Variants in LRRTM4 observed in about 807,000 individuals in gnomAD.
LRRTM4 encodes the protein leucine-rich repeat transmembrane neuronal protein 4.
In LRRTM4, 25 loss-of-function variants were observed where a neutral mutation model predicts 47.6. The ratio of observed to expected loss-of-function variants is 0.53; its 90% CI spans 0.38 to 0.73. The LOEUF is 0.73. Ranked by LOEUF, LRRTM4 falls within the 30% of genes least tolerant of loss-of-function variation. LRRTM4 has a pLI of 0.00. For synonymous variants in LRRTM4, 311 were observed against 269.5 expected (o/e 1.15, Z -1.51); for missense variants, 638 against 713.4 (o/e 0.89, Z 1.20).
intron 3 of LRRTM4, among the ~76,000 whole-genome samples, chr2:77,432,770 T>C (rs1010595338): frequency 6.6e-6 from 1 of 152,354 alleles, no homozygotes; most frequent in Non-Finnish European, 1.5e-5. Flanking sequence ...AACTCATGTA[T>C]ACCCCAAGAA....
At chr2:77,217,874 T>G (rs374061123) in intron 3 of LRRTM4, among the ~76,000 whole-genome samples, 1 of 152,364 alleles carries the variant, frequency 6.6e-6, no homozygotes, top group South Asian at 2.1e-4. Context: ...ATGTGTATGT[T>G]ATTATATTAA....
intron 3 of LRRTM4, among the ~76,000 whole-genome samples, chr2:77,213,459 A>AT (rs1674351585): frequency 1.3e-5 from 2 of 152,278 alleles, no homozygotes; most frequent in Non-Finnish European, 1.5e-5. Flanking sequence ...AATGTCATTG[A>AT]TTAAGTATAC....
chr2:77,168,162 T>C (rs940909739), intron 3 of LRRTM4, among the ~76,000 whole-genome samples: 3 of 152,148 alleles, frequency 2.0e-5, no homozygotes, highest in African/African-American at 7.2e-5. Context: ...ACTTGAGCAT[T>C]CATATGTTCT....
intron 3 of LRRTM4, among the ~76,000 whole-genome samples, chr2:77,193,120 A>T (rs1212855937): frequency 6.6e-6 from 1 of 152,188 alleles, no homozygotes. Context: ...ATGCTTGGAT[A>T]CGCAAGTACT....
intron 3 of LRRTM4, among the ~76,000 whole-genome samples, chr2:77,331,925 TA>T (rs1670985337): frequency 6.6e-6 from 1 of 152,186 alleles, no homozygotes; most frequent in Non-Finnish European, 1.5e-5. Flanking sequence ...ATTATTTTTG[TA>T]AAAATTTTCT....
chr2:76,862,965 C>T (rs1672362729), intron 3 of LRRTM4, among the ~76,000 whole-genome samples: 1 of 152,168 alleles, frequency 6.6e-6, no homozygotes, highest in Admixed American at 6.6e-5. Flanking sequence ...GATTATGTTT[C>T]TACCCTCCGA....
intron 3 of LRRTM4, among the ~76,000 whole-genome samples, chr2:76,988,785 G>A (rs892980647): frequency 7.2e-5 from 10 of 139,230 alleles, no homozygotes; most frequent in African/African-American, 1.8e-4. Context: ...TTCCCCACGC[G>A]TTACCTGGAC....
At chr2:77,159,529 A>G (rs1290448759) in intron 3 of LRRTM4, among the ~76,000 whole-genome samples, 1 of 151,746 alleles carries the variant, frequency 6.6e-6, no homozygotes, top group Non-Finnish European at 1.5e-5. Flanking sequence ...AATGGAAAAA[A>G]AAAAAAAGAA....
intron 3 of LRRTM4, among the ~76,000 whole-genome samples, chr2:76,780,522 C>A (rs1001796028): frequency 1.3e-5 from 2 of 152,074 alleles, no homozygotes; most frequent in Non-Finnish European, 1.5e-5. Flanking sequence ...TCTTCCATTG[C>A]TGATACCCTT....
chr2:77,189,253 G>A (rs1176789), intron 3 of LRRTM4, among the ~76,000 whole-genome samples: 1,964 of 152,234 alleles, frequency 0.013, 17 homozygotes, highest in Admixed American at 0.022. Flanking sequence ...AAATGCTCAA[G>A]TCAAGACATT....
intron 3 of LRRTM4, among the ~76,000 whole-genome samples, chr2:77,470,235 A>G (rs1335884456): frequency 6.6e-6 from 1 of 152,176 alleles, no homozygotes; most frequent in African/African-American, 2.4e-5. Flanking sequence ...TTTCATTCCA[A>G]ATAGTCCAGC....
chr2:76,905,029 C>T (rs987139725), intron 3 of LRRTM4, among the ~76,000 whole-genome samples: 84 of 152,102 alleles, frequency 5.5e-4, no homozygotes, highest in Admixed American at 3.8e-3. Flanking sequence ...GATCTGAGAA[C>T]AGGCAGACTG....
chr2:76,807,411 T>TATAC (rs1484732120), intron 3 of LRRTM4, among the ~76,000 whole-genome samples: 11,919 of 85,778 alleles, frequency 0.14, 1,037 homozygotes, highest in Admixed American at 0.25. Context: ...TATATACGTA[T>TATAC]ATATATATAT....
intron 3 of LRRTM4, among the ~76,000 whole-genome samples, chr2:77,438,393 A>ATTTTTTTTT (rs70956631): frequency 7.0e-5 from 7 of 100,186 alleles, no homozygotes; most frequent in African/African-American, 2.2e-4. Flanking sequence ...GATCATGATA[A>ATTTTTTTTT]TTTTTTTTTT....
At chr2:77,408,216 G>C (rs892654482) in intron 3 of LRRTM4, among the ~76,000 whole-genome samples, 1 of 152,076 alleles carries the variant, frequency 6.6e-6, no homozygotes, top group Non-Finnish European at 1.5e-5. Flanking sequence ...GTTTACGTTT[G>C]TTTTTTAAGT....
chr2:77,488,979 C>A (rs994975385), intron 3 of LRRTM4, among the ~76,000 whole-genome samples: 1 of 123,338 alleles, frequency 8.1e-6, no homozygotes, highest in African/African-American at 3.1e-5. Context: ...TGCACATGTA[C>A]CCTAAAACTT....
chr2:77,163,617 C>G (rs1389162597), intron 3 of LRRTM4, among the ~76,000 whole-genome samples: 1 of 151,664 alleles, frequency 6.6e-6, no homozygotes, highest in Non-Finnish European at 1.5e-5. Context: ...ATCAGACTAA[C>G]AGCGGATCTG....
intron 3 of LRRTM4, among the ~76,000 whole-genome samples, chr2:77,458,326 C>G (rs1294772655): frequency 1.3e-5 from 2 of 152,144 alleles, no homozygotes; most frequent in Non-Finnish European, 2.9e-5. Flanking sequence ...CATAGTGTTT[C>G]ACCTTTCTGC....
intron 3 of LRRTM4, among the ~76,000 whole-genome samples, chr2:77,156,504 A>G (rs1187467468): frequency 6.6e-6 from 1 of 152,034 alleles, no homozygotes; most frequent in Non-Finnish European, 1.5e-5. Context: ...TTATGTAGTA[A>G]AAGGGACATT....
Sources: allele counts gnomAD v4.1 joint callset (sites outside exome capture counted in the v4.1 genomes callset), GRCh38; gene constraint gnomAD v4.1.1; transcripts MANE v1.5; gene names NCBI Gene and HGNC (gene_info 2026-07-23, HGNC 2026-07-21).